ABHD18: variants seen among roughly 807,000 people sequenced by gnomAD.
The protein encoded by ABHD18 is abhydrolase domain containing 18, also known as cardiolipin-specific deacylase, mitochondrial.
Under a neutral mutation model 65.9 loss-of-function variants are expected in ABHD18, and 55 were observed. That is an observed-to-expected ratio of 0.84 (90% CI 0.67 to 1.05). ABHD18 has a LOEUF of 1.05. Ranked by LOEUF, ABHD18 falls within the 50% of genes least tolerant of loss-of-function variation. The pLI is 0.00. For synonymous variants in ABHD18, 181 were observed against 180.2 expected, an observed-to-expected ratio of 1.00 and a Z score of -0.04; for missense variants, 533 against 558.5, an observed-to-expected ratio of 0.95 and a Z score of 0.46.
Position 128,001,731 on chromosome 4 carries a change from G to C in ABHD18, c.279-7189G>C, listed in dbSNP as rs754561165. 3.7e-5 allele frequency: 58 copies of C among 1,547,252 alleles called. No homozygotes were observed. The African/African-American group carries it at 7.6e-4, about 20-fold the overall frequency. ...TGTCTTCCAGGATTATTGATGAAAT[G>C]CTTGATACCAACTTGATTCTTCTAC... On this transcript the variant is annotated intron_variant, in intron 4 of 12. Transcript: ENST00000645843.
At chr4:127,982,461 C>T (rs1262607182) in intron 1 of ABHD18, among the ~76,000 whole-genome samples, 2 of 152,136 alleles carry the variant, frequency 1.3e-5, no homozygotes, top group Non-Finnish European at 1.5e-5. Flanking sequence ...TGAATCTTAG[C>T]TATGTTTCCC....
At chr4:127,972,501 G>T (rs1416600032) in intron 1 of ABHD18, among the ~76,000 whole-genome samples, 11 of 149,630 alleles carry the variant, frequency 7.4e-5, no homozygotes, top group African/African-American at 2.5e-4. Context: ...AGGAGCTGAG[G>T]TCAAAGACCA....
chr4:127,981,667 A>G (rs139619445), intron 1 of ABHD18, among the ~76,000 whole-genome samples: 1 of 152,222 alleles, frequency 6.6e-6, no homozygotes, highest in Non-Finnish European at 1.5e-5. Context: ...ATAGGAATCT[A>G]GTAATTAATA....
intron 7 of ABHD18, among the ~76,000 whole-genome samples, chr4:128,013,377 G>C (rs149422270): frequency 5.1e-4 from 78 of 152,224 alleles, no homozygotes; most frequent in African/African-American, 1.8e-3. Flanking sequence ...AATAGGACTT[G>C]TGTATGAATT....
At chr4:127,974,772 A>G (rs1301914304) in intron 1 of ABHD18, among the ~76,000 whole-genome samples, 1 of 151,786 alleles carries the variant, frequency 6.6e-6, no homozygotes, top group African/African-American at 2.4e-5. Context: ...TAGAGGGTGG[A>G]TCACCTGAGG....
At chr4:127,998,973 T>A (rs1752229370) in intron 4 of ABHD18, among the ~76,000 whole-genome samples, 1 of 152,128 alleles carries the variant, frequency 6.6e-6, no homozygotes, top group African/African-American at 2.4e-5. Context: ...TATGCAGCTA[T>A]GGAAGCGATA....
chr4:128,008,999 G>GT lies in ABHD18; in HGVS notation c.357+2dup. ...TCATCTTGCTGGAACAGGAGATCAT[G>GT]TAAGACTTTATTATAATGCCTTAAT... On this transcript the variant is annotated splice_donor_variant, in intron 5 of 12. Coordinates refer to ENST00000645843, the MANE Select transcript of ABHD18 (RefSeq NM_001358451.3). LOFTEE classifies it high-confidence loss of function. 1 of 1,608,776 alleles carries GT rather than the reference G, an allele frequency of 6.2e-7. No individual in the cohort carries two copies. The highest frequency in any genetic ancestry group is 2.2e-5 in the East Asian group (1 of 44,790).
intron 1 of ABHD18, among the ~76,000 whole-genome samples, chr4:127,975,012 A>AG (rs999139956): frequency 6.7e-6 from 1 of 149,668 alleles, no homozygotes; most frequent in Non-Finnish European, 1.5e-5. Context: ...AAAAAAAAAA[A>AG]AAAAAAATAG....
chr4:128,022,492 A>G (rs1239613119), intron 10 of ABHD18, among the ~76,000 whole-genome samples: 3 of 152,182 alleles, frequency 2.0e-5, no homozygotes, highest in African/African-American at 7.2e-5. Flanking sequence ...GAAACACATA[A>G]TATCTGATTA....
chr4:128,014,991 C>T (rs573066338), intron 7 of ABHD18, among the ~76,000 whole-genome samples: 3 of 151,718 alleles, frequency 2.0e-5, no homozygotes, highest in African/African-American at 4.8e-5. Context: ...GCAGGAGAAT[C>T]GCTTGAACCC....
intron 10 of ABHD18, among the ~76,000 whole-genome samples, chr4:128,023,243 A>G (rs942076152): frequency 6.6e-6 from 1 of 151,858 alleles, no homozygotes; most frequent in East Asian, 1.9e-4. Flanking sequence ...AAGGTAGTTG[A>G]TTGCTTGCCT....
chr4:128,004,551 A>G (rs1054510831), intron 4 of ABHD18, among the ~76,000 whole-genome samples: 4 of 152,228 alleles, frequency 2.6e-5, no homozygotes, highest in Admixed American at 6.5e-5. Flanking sequence ...CTTCAATGGA[A>G]AAACTTTAAA....
At position 127,984,427 on chromosome 4, in the gene ABHD18, T is replaced by G; in HGVS notation, c.177+4T>G. ...TTATCCAGTACACATTGATAAGGTA[T>G]TCAAATGAGAGAAACACAGTTATAG... On this transcript the variant is annotated splice_donor_region_variant and intron_variant, in intron 3 of 12. Coordinates refer to ENST00000645843, the MANE Select transcript of ABHD18 (RefSeq NM_001358451.3). 6.7e-7 allele frequency: 1 copy of G among 1,487,630 alleles called. No homozygotes were observed. Among genetic ancestry groups the G allele is most frequent in the African/African-American group, 1.4e-5 (1 of 72,180 alleles). The allele number at this position is 1,487,630 out of a possible 1,614,324, so 92.2% of individuals were successfully genotyped here.
intron 1 of ABHD18, among the ~76,000 whole-genome samples, chr4:127,980,419 CAG>C (rs1748808164): frequency 9.9e-6 from 1 of 100,756 alleles, no homozygotes; most frequent in African/African-American, 2.9e-5. Context: ...CAACACAAAA[CAG>C]AGCAAGACAG....
At chr4:128,031,462 C>T (rs1171093711) in intron 12 of ABHD18, 4 of 151,856 alleles carry the variant, frequency 2.6e-5, no homozygotes, top group African/African-American at 9.6e-5. Context: ...AGCGAGACTC[C>T]GTCTCAAAAA....
intron 3 of ABHD18, among the ~76,000 whole-genome samples, chr4:127,989,075 GA>G (rs1750478446): frequency 6.6e-6 from 1 of 152,166 alleles, no homozygotes; most frequent in Non-Finnish European, 1.5e-5. Context: ...AATATGCAGT[GA>G]AATATTATTG....
chr4:127,966,506 G>A (rs139197082), intron 1 of ABHD18, among the ~76,000 whole-genome samples: 2 of 151,860 alleles, frequency 1.3e-5, no homozygotes, highest in East Asian at 3.9e-4. Flanking sequence ...TCTGATCTTT[G>A]TGTCATTTGT....
chr4:128,031,555 A>G (rs750250306), intron 12 of ABHD18, among the ~76,000 whole-genome samples: 38 of 152,218 alleles, frequency 2.5e-4, no homozygotes, highest in Non-Finnish European at 4.4e-4. Context: ...ATTAATGATT[A>G]AGTAAATTGA....
At chr4:128,013,554 CGGGCGTGGTGGT>C (rs1410184437) in intron 7 of ABHD18, among the ~76,000 whole-genome samples, 2 of 152,112 alleles carry the variant, frequency 1.3e-5, no homozygotes, top group East Asian at 3.9e-4. Flanking sequence ...CAACAAAATC[CGGGCGTGGTGGT>C]GGGCACCTGT....
Sources: allele counts gnomAD v4.1 joint callset (sites outside exome capture counted in the v4.1 genomes callset), GRCh38; gene constraint gnomAD v4.1.1; transcripts MANE v1.5; gene names NCBI Gene and HGNC (gene_info 2026-07-23, HGNC 2026-07-21).